PCDH15: variants seen among roughly 807,000 people sequenced by gnomAD.
PCDH15 encodes protocadherin related 15, also known as protocadherin-15.
In PCDH15, 129 loss-of-function variants were observed where a neutral mutation model predicts 178.5. The observed-to-expected ratio is 0.72, with a 90% confidence interval of 0.63 to 0.84. The LOEUF (loss-of-function observed/expected upper bound fraction) is 0.84, where lower values mean the gene tolerates loss of function less well. Ranked by LOEUF, PCDH15 falls within the 40% of genes least tolerant of loss-of-function variation. PCDH15 has a pLI of 0.00. For synonymous variants in PCDH15, 800 were observed against 732.0 expected, an observed-to-expected ratio of 1.09 and a Z score of -1.50; for missense variants, 2,230 against 2,099.9, an observed-to-expected ratio of 1.06 and a Z score of -1.21.
chr10:55,368,566 T>C (rs1845421502), intron 2 of PCDH15, among the ~76,000 whole-genome samples: 1 of 152,154 alleles, frequency 6.6e-6, no homozygotes, highest in African/African-American at 2.4e-5. Flanking sequence ...CTATGTCTGT[T>C]AAAGTACACA....
intron 2 of PCDH15, among the ~76,000 whole-genome samples, chr10:55,354,566 A>G (rs1845027640): frequency 6.6e-6 from 1 of 152,058 alleles, no homozygotes; most frequent in Non-Finnish European, 1.5e-5. Flanking sequence ...TTATTCACAT[A>G]AGTCATAAAC....
At chr10:55,135,574 C>CTTTTTTTTT (rs56956557) in intron 2 of PCDH15, among the ~76,000 whole-genome samples, 43 of 68,226 alleles carry the variant, frequency 6.3e-4, no homozygotes, top group East Asian at 9.1e-4. Context: ...TCTTTTCTTT[C>CTTTTTTTTT]TTTTTTTTTT....
intron 18 of PCDH15, among the ~76,000 whole-genome samples, chr10:54,064,619 T>C (rs2094102159): frequency 6.6e-6 from 1 of 152,148 alleles, no homozygotes; most frequent in Non-Finnish European, 1.5e-5. Context: ...CTCCCTCCTA[T>C]GTTCATTGGC....
intron 2 of PCDH15, among the ~76,000 whole-genome samples, chr10:54,926,952 C>T (rs185299956): frequency 1.3e-5 from 2 of 151,958 alleles, no homozygotes; most frequent in Admixed American, 6.6e-5. Flanking sequence ...ATCTCAGAGT[C>T]CTTCAGTTCA....
At chr10:54,557,600 A>G (rs2087469947) in intron 2 of PCDH15, among the ~76,000 whole-genome samples, 1 of 152,204 alleles carries the variant, frequency 6.6e-6, no homozygotes, top group African/African-American at 2.4e-5. Context: ...CAGTGAGGCC[A>G]TAGAAATCAT....
chr10:55,110,746 G>T (rs1177091876), intron 2 of PCDH15, among the ~76,000 whole-genome samples: 1 of 151,778 alleles, frequency 6.6e-6, no homozygotes, highest in African/African-American at 2.4e-5. Context: ...GGATCTGATG[G>T]CATTCATTTG....
At chr10:55,562,854 A>AT in intron 2 of PCDH15, among the ~76,000 whole-genome samples, 2 of 152,064 alleles carry the variant, frequency 1.3e-5, no homozygotes, top group Non-Finnish European at 2.9e-5. Context: ...AAAAGCAAGC[A>AT]CTGGAAATCT....
At chr10:54,201,615 A>T (rs192773221) in intron 10 of PCDH15, among the ~76,000 whole-genome samples, 83 of 151,552 alleles carry the variant, frequency 5.5e-4, no homozygotes, top group African/African-American at 1.9e-3. Flanking sequence ...GGTATATGGA[A>T]GAAGGTCAAA....
intron 2 of PCDH15, among the ~76,000 whole-genome samples, chr10:54,538,465 CTA>C (rs2084821363): frequency 1.3e-5 from 2 of 152,160 alleles, no homozygotes; most frequent in Admixed American, 6.5e-5. Flanking sequence ...TTTCATTGGT[CTA>C]TGTGTCTATT....
chr10:55,220,236 C>A (rs1228275321), intron 1 of PCDH15, among the ~76,000 whole-genome samples: 1 of 151,980 alleles, frequency 6.6e-6, no homozygotes, highest in Non-Finnish European at 1.5e-5. Context: ...CAAACTCTCC[C>A]TGATCTGAAC....
intron 2 of PCDH15, 102 bp downstream of exon 2, chr10:54,664,070 A>G (rs974681790): frequency 3.8e-5 from 35 of 918,352 alleles, no homozygotes; most frequent in South Asian, 2.7e-4. Flanking sequence ...TAACCTTTCA[A>G]TCATAAACTA....
intron 3 of PCDH15, among the ~76,000 whole-genome samples, chr10:54,451,707 T>C (rs2076491182): frequency 6.6e-6 from 1 of 151,942 alleles, no homozygotes; most frequent in Non-Finnish European, 1.5e-5. Flanking sequence ...TAAAGTTTTA[T>C]GACACAAATA....
At position 54,771,413 on chromosome 10, in the gene PCDH15, G is replaced by A. The variant is rs1949075342; in HGVS notation, c.-29+29512C>T. On this transcript the variant is annotated intron_variant, in intron 1 of 37. Transcript: ENST00000644397. Reference sequence around the variant, plus strand: ...TCAGGATGTAACTGAATATCTTTTGGTTAGACATTTGATCATATGTTATTT... The same window carrying A: ...TCAGGATGTAACTGAATATCTTTTGATTAGACATTTGATCATATGTTATTT... Among the ~76,000 whole-genome samples, 13 of 152,026 alleles carry A rather than the reference G, an allele frequency of 8.6e-5. No individual in the cohort carries two copies. The South Asian group carries it at 2.7e-3, about 32-fold the overall frequency.
chr10:55,348,584 A>G (rs1482327176), intron 2 of PCDH15, among the ~76,000 whole-genome samples: 3 of 152,172 alleles, frequency 2.0e-5, no homozygotes, highest in East Asian at 3.9e-4. Context: ...CATTAAAGAT[A>G]CTAAAATTTA....
At chr10:55,588,663 G>T (rs1301222248) in intron 2 of PCDH15, among the ~76,000 whole-genome samples, 1 of 151,482 alleles carries the variant, frequency 6.6e-6, no homozygotes, top group African/African-American at 2.4e-5. Flanking sequence ...CCAAACCTTT[G>T]CTCTATTATC....
At chr10:54,826,147 G>A (rs1460954876) in intron 3 of PCDH15, among the ~76,000 whole-genome samples, 1 of 151,760 alleles carries the variant, frequency 6.6e-6, no homozygotes, top group Non-Finnish European at 1.5e-5. Context: ...TTACACTGTA[G>A]ATACCTTGTC....
chr10:54,274,616 T>TTG (rs3069673), intron 8 of PCDH15, among the ~76,000 whole-genome samples: 18,300 of 144,532 alleles, frequency 0.13, 1,132 homozygotes, highest in Middle Eastern at 0.19. Flanking sequence ...CTCAGTTTAA[T>TTG]TGTGTGTGTG....
intron 22 of PCDH15, among the ~76,000 whole-genome samples, 177 bp from the exon 23 acceptor site, chr10:53,960,021 C>T (rs1444331453): frequency 6.6e-6 from 1 of 152,176 alleles, no homozygotes; most frequent in Admixed American, 6.5e-5. Flanking sequence ...TACGTTCTCA[C>T]TTAATCTTTA....
At position 54,570,906 on chromosome 10, in the gene PCDH15, T is replaced by G. The variant is rs373714831; in HGVS notation, c.92-43029A>C. Reference sequence around the variant, plus strand: ...TGGTCTTGAGCTCCTGGCCTCACGATTCACCTGCCTCCGCCTCCCAAAGTG... The same window carrying G: ...TGGTCTTGAGCTCCTGGCCTCACGAGTCACCTGCCTCCGCCTCCCAAAGTG... On this transcript the variant is annotated intron_variant, in intron 2 of 37. Coordinates refer to ENST00000644397, the MANE Select transcript of PCDH15 (RefSeq NM_001384140.1). Among the ~76,000 whole-genome samples, 8 of 151,738 alleles carry G rather than the reference T, an allele frequency of 5.3e-5. No individual in the cohort carries two copies. The East Asian group carries it at 7.8e-4, about 15-fold the overall frequency.
Sources: gnomAD v4.1 joint callset for allele counts (sites outside exome capture counted in the v4.1 genomes callset) on GRCh38, gnomAD v4.1.1 for gene constraint, MANE v1.5 for transcripts, NCBI Gene and HGNC (gene_info 2026-07-23, HGNC 2026-07-21) for gene names.